Variants in KLRG1 observed in about 807,000 individuals in gnomAD.
KLRG1 encodes killer cell lectin like receptor G1.
A neutral mutation model predicts 21.8 loss-of-function variants in KLRG1; 16 were observed. That is an observed-to-expected ratio of 0.73 (90% CI 0.50 to 1.11). The LOEUF is 1.11. Among genes scored for constraint, KLRG1 ranks in the 50% most tolerant of loss-of-function variants. The pLI, the probability that KLRG1 is intolerant of heterozygous loss-of-function variation, is 0.00. For missense variants in KLRG1, 173 were observed against 218.3 expected (o/e 0.79, Z 1.31); for synonymous variants, 69 against 75.9 (o/e 0.91, Z 0.47).
At chr12:9,078,229 C>G in the KLRG1 span, among the ~76,000 whole-genome samples, 4 of 152,134 alleles carry the variant, frequency 2.6e-5, no homozygotes, top group Admixed American at 2.6e-4. Flanking sequence ...GTGTGTTGTT[C>G]CTGTCCCTGT....
chr12:9,210,085 G>T, the KLRG1 span, among the ~76,000 whole-genome samples: 2 of 152,002 alleles, frequency 1.3e-5, no homozygotes, highest in Non-Finnish European at 2.9e-5. Context: ...GCAGAGATTG[G>T]GTTATAGGCT....
the KLRG1 span, chr12:9,115,908 C>A: frequency 7.1e-7 from 1 of 1,408,820 alleles, no homozygotes; most frequent in African/African-American, 1.4e-5. Context: ...TCCCTACAAT[C>A]CATCTGGTCC....
chr12:9,175,572 G>A, the KLRG1 span, among the ~76,000 whole-genome samples: 1 of 152,054 alleles, frequency 6.6e-6, no homozygotes, highest in Non-Finnish European at 1.5e-5. Context: ...ACCTGAGAAA[G>A]GCCTAATATC....
At chr12:9,074,912 C>G in the KLRG1 span, 2 of 990,960 alleles carry the variant, frequency 2.0e-6, no homozygotes, top group African/African-American at 3.3e-5. Flanking sequence ...TATGTAGATG[C>G]TTTTCCCTTC....
the KLRG1 span, among the ~76,000 whole-genome samples, chr12:9,126,716 A>G: frequency 6.6e-6 from 1 of 152,262 alleles, no homozygotes; most frequent in African/African-American, 2.4e-5. Flanking sequence ...TCCACCATGG[A>G]ATACAATGGA....
At chr12:9,070,432 G>A in the KLRG1 span, 4,288 of 1,150,720 alleles carry the variant, frequency 3.7e-3, 117 homozygotes, top group African/African-American at 0.058. Flanking sequence ...GTCTTATGCT[G>A]GGGATACATA....
the KLRG1 span, among the ~76,000 whole-genome samples, chr12:9,108,666 C>T: frequency 1.3e-5 from 2 of 152,206 alleles, no homozygotes; most frequent in Admixed American, 1.3e-4. Flanking sequence ...TATACCTGCT[C>T]TTCCTGCTAC....
the KLRG1 span, among the ~76,000 whole-genome samples, chr12:9,097,995 T>C: frequency 6.6e-6 from 1 of 152,240 alleles, no homozygotes; most frequent in Non-Finnish European, 1.5e-5. Context: ...TGCAGGTATA[T>C]GTATCACTTT....
the KLRG1 span, among the ~76,000 whole-genome samples, chr12:9,201,787 C>T: frequency 6.6e-6 from 1 of 151,962 alleles, no homozygotes; most frequent in Non-Finnish European, 1.5e-5. Context: ...CTTCTAATTT[C>T]AACATTGTCT....
the KLRG1 span, chr12:9,095,420 A>T: frequency 1.3e-4 from 122 of 959,132 alleles, 3 homozygotes; most frequent in South Asian, 1.6e-3. Flanking sequence ...GAAGCCACTT[A>T]CCTCTTTATA....
the KLRG1 span, among the ~76,000 whole-genome samples, chr12:9,206,882 A>G: frequency 6.6e-6 from 1 of 152,194 alleles, no homozygotes; most frequent in East Asian, 1.9e-4. Context: ...TTCTGACCCA[A>G]TACACGCTAC....
At chr12:9,160,765 A>C in the KLRG1 span, among the ~76,000 whole-genome samples, 1 of 152,064 alleles carries the variant, frequency 6.6e-6, no homozygotes, top group Non-Finnish European at 1.5e-5. Flanking sequence ...ATACAAAAAA[A>C]TTAGCCGGGC....
At chr12:8,973,237 C>G (rs1056003560) in intron 1 of KLRG1, among the ~76,000 whole-genome samples, 4 of 149,090 alleles carry the variant, frequency 2.7e-5, no homozygotes, top group Admixed American at 1.3e-4. Flanking sequence ...CTGTAGATCA[C>G]TTTGGGTGGG....
At chr12:9,152,391 C>T in the KLRG1 span, 7 of 1,017,192 alleles carry the variant, frequency 6.9e-6, no homozygotes, top group African/African-American at 3.2e-5. Context: ...TCACTTTAAG[C>T]CTGTCTGTCT....
At chr12:9,018,930 G>A in the KLRG1 span, among the ~76,000 whole-genome samples, 1 of 152,010 alleles carries the variant, frequency 6.6e-6, no homozygotes, top group African/African-American at 2.4e-5. Flanking sequence ...TGAATAAATA[G>A]GATAGCATCC....
chr12:9,172,724 C>G, the KLRG1 span, among the ~76,000 whole-genome samples: 1 of 152,086 alleles, frequency 6.6e-6, no homozygotes, highest in Non-Finnish European at 1.5e-5. Flanking sequence ...ATCAAACAAA[C>G]AAAGAAGGGT....
the KLRG1 span, among the ~76,000 whole-genome samples, chr12:9,177,493 T>A: frequency 6.6e-6 from 1 of 152,322 alleles, no homozygotes; most frequent in East Asian, 1.9e-4. Context: ...TCACAGAAAT[T>A]GCATGTGATA....
chr12:9,182,017 T>C, the KLRG1 span: 4 of 1,613,964 alleles, frequency 2.5e-6, no homozygotes, highest in Non-Finnish European at 3.4e-6. Flanking sequence ...TTTCAGAGTC[T>C]CCAACAACTT....
At chr12:9,000,224 C>G (rs1379393739) in intron 3 of KLRG1, among the ~76,000 whole-genome samples, 2 of 152,038 alleles carry the variant, frequency 1.3e-5, no homozygotes, top group Admixed American at 1.3e-4. Flanking sequence ...AAAGAAATGG[C>G]TGGAAACACA....
Sources: gnomAD v4.1 joint callset for allele counts (sites outside exome capture counted in the v4.1 genomes callset) on GRCh38, gnomAD v4.1.1 for gene constraint, MANE v1.5 for transcripts, NCBI Gene and HGNC (gene_info 2026-07-23, HGNC 2026-07-21) for gene names.